Variants in NCOA3 observed in about 807,000 individuals in gnomAD.
The protein encoded by NCOA3 is CBP-interacting protein.
NCOA3 carries 51 observed loss-of-function variants against 158.8 expected under a neutral mutation model. The observed-to-expected ratio is 0.32, with a 90% CI of 0.26 to 0.41. NCOA3 has a LOEUF of 0.41. Among genes scored for constraint, NCOA3 ranks in the 10% least tolerant of loss-of-function variants. NCOA3 has a pLI of 1.00. For synonymous variants in NCOA3, 537 were observed against 592.4 expected, an observed-to-expected ratio of 0.91 and a Z score of 1.36; for missense variants, 1,510 against 1,746.6, an observed-to-expected ratio of 0.86 and a Z score of 2.41.
chr20:47,620,495 A>C (rs1337161266), intron 2 of NCOA3, among the ~76,000 whole-genome samples: 1 of 152,230 alleles, frequency 6.6e-6, no homozygotes, highest in African/African-American at 2.4e-5. Context: ...CAAGGTTGCA[A>C]GAAAATAGTA....
At chr20:47,536,432 C>A (rs2084633672) in intron 1 of NCOA3, among the ~76,000 whole-genome samples, 1 of 152,196 alleles carries the variant, frequency 6.6e-6, no homozygotes. Context: ...TGCAAAGCAT[C>A]CTAGGAGATA....
chr20:47,555,805 AT>A (rs1039337631), intron 1 of NCOA3, among the ~76,000 whole-genome samples: 19 of 144,180 alleles, frequency 1.3e-4, no homozygotes, highest in East Asian at 4.1e-4. Flanking sequence ...TGCCCGGCTG[AT>A]TTTTTTTTTG....
At chr20:47,524,964 T>G (rs994117688) in intron 1 of NCOA3, among the ~76,000 whole-genome samples, 3 of 151,804 alleles carry the variant, frequency 2.0e-5, no homozygotes, top group African/African-American at 7.3e-5. Flanking sequence ...TTGATCATTC[T>G]TGGGTGTTTC....
chr20:47,596,836 T>C (rs6018573), intron 2 of NCOA3, among the ~76,000 whole-genome samples: 20,617 of 152,186 alleles, frequency 0.14, 2,013 homozygotes, highest in African/African-American at 0.26. Flanking sequence ...GCGATCCACC[T>C]GCCTCGGCCT....
In NCOA3 at chr20:47,636,281, G is replaced by A. The variant is rs200259258; in HGVS notation, c.1895G>A (p.Arg632Gln). 4.2e-5 allele frequency: 68 copies of A among 1,613,968 alleles called. No individual in the cohort carries two copies. Among genetic ancestry groups the A allele is most frequent in the African/African-American group, 6.7e-5 (5 of 74,884 alleles). ...LQLLTCSSDD[R>Q]GHSSLTNSPL... ...TTACTTACCTGTTCTTCTGATGACC[G>A]GGGTCATTCCTCCTTGACCAACTCC... is the stretch of plus-strand genomic sequence containing the variant. Residue 632 changes from arginine to glutamine, a missense_variant, in exon 12 of 23, where the codon CGG becomes CAG. Physicochemically the swap from Arg to Gln is conservative, Grantham distance 43. Coordinates refer to ENST00000371998, the MANE Select transcript of NCOA3 (RefSeq NM_181659.3).
chr20:47,553,390 T>A (rs187128732), intron 1 of NCOA3, among the ~76,000 whole-genome samples: 4,425 of 150,146 alleles, frequency 0.029, 104 homozygotes, highest in Middle Eastern at 0.09. Context: ...CTCTTGAAAA[T>A]TTTTTTTTTA....
At chr20:47,512,502 A>C (rs2084161428) in intron 1 of NCOA3, among the ~76,000 whole-genome samples, 2 of 150,262 alleles carry the variant, frequency 1.3e-5, no homozygotes, top group Non-Finnish European at 3.0e-5. Flanking sequence ...CGGCAGGCGA[A>C]GGTTGCAGTG....
At chr20:47,537,449 G>T (rs371054741) in intron 1 of NCOA3, among the ~76,000 whole-genome samples, 1 of 141,954 alleles carries the variant, frequency 7.0e-6, no homozygotes, top group Non-Finnish European at 1.5e-5. Context: ...GTGGGGGGGG[G>T]AAGTGTTGGG....
chr20:47,636,612 G>A lies in NCOA3; in HGVS notation c.2226G>A (p.Leu742=). The part of the protein sequence containing the change: ...KENNALLRYL[L]DRDDPSDALS... ...ATAATGCACTTCTTAGATACCTGCT[G>A]GACAGGGATGATCCTAGTGATGCAC... The change falls in exon 12 of 23, where the codon CTG becomes CTA. Residue 742 remains leucine (L), a synonymous_variant. Coordinates refer to ENST00000371998, the MANE Select transcript of NCOA3 (RefSeq NM_181659.3). 1.2e-6 allele frequency: 2 copies of A among 1,614,162 alleles called. No individual in the cohort carries two copies. Among genetic ancestry groups the A allele is most frequent in the South Asian group, 2.2e-5 (2 of 91,082 alleles).
chr20:47,652,906 A>G, intron 21 of NCOA3, 25 bp from the exon 22 acceptor site: 2 of 1,612,562 alleles, frequency 1.2e-6, no homozygotes, highest in South Asian at 2.2e-5. Flanking sequence ...TTCCAGAGGT[A>G]ATATTACCAT....
At chr20:47,523,571 A>G (rs1419795661) in intron 1 of NCOA3, among the ~76,000 whole-genome samples, 4 of 152,186 alleles carry the variant, frequency 2.6e-5, no homozygotes, top group Non-Finnish European at 5.9e-5. Context: ...GAATTTATTA[A>G]AGAGGGGTTG....
chr20:47,637,822 T>A, intron 13 of NCOA3, 39 bp downstream of exon 13: 1 of 1,563,978 alleles, frequency 6.4e-7, no homozygotes, highest in Non-Finnish European at 8.6e-7. Flanking sequence ...TTGCTGCCTT[T>A]GAAACTTTTC....
intron 1 of NCOA3, among the ~76,000 whole-genome samples, chr20:47,557,456 G>A (rs1046287265): frequency 6.6e-5 from 10 of 152,264 alleles, no homozygotes; most frequent in Admixed American, 6.5e-4. Flanking sequence ...GCTTAAGGCC[G>A]CATAACTAGT....
chr20:47,517,445 C>CTT (rs1186569608), intron 1 of NCOA3, among the ~76,000 whole-genome samples: 1 of 142,194 alleles, frequency 7.0e-6, no homozygotes, highest in African/African-American at 2.8e-5. Flanking sequence ...TTTCTTTTTT[C>CTT]TTTTTCTTTT....
chr20:47,636,205 G>C lies in NCOA3; in HGVS notation c.1819G>C (p.Glu607Gln). 1 of 1,614,202 alleles carries C rather than the reference G, an allele frequency of 6.2e-7. No individual in the cohort carries two copies. The highest frequency in any genetic ancestry group is 1.1e-5 in the South Asian group (1 of 91,082). Residue 607 changes from glutamate (E) to glutamine (Q), a missense_variant, in exon 12 of 23, where the codon GAG (glutamate) becomes CAG (glutamine). Coordinates refer to ENST00000371998, the MANE Select transcript of NCOA3 (RefSeq NM_181659.3). Reference sequence around the variant, plus strand: ...TAAGGAGAGCAGTGTTGAGGGGGCAGAGAATCAAAGGGGTCCTTTGGAAAG... The same window carrying C: ...TAAGGAGAGCAGTGTTGAGGGGGCACAGAATCAAAGGGGTCCTTTGGAAAG... ...ESKESSVEGAENQRGPLESKG... is the reference protein window; with the variant it reads ...ESKESSVEGAQNQRGPLESKG...
intron 18 of NCOA3, among the ~76,000 whole-genome samples, chr20:47,647,756 T>C (rs642417): frequency 0.23 from 34,250 of 151,864 alleles, 4,608 homozygotes; most frequent in African/African-American, 0.37. Context: ...AAAACTAGAG[T>C]TGTCTTTTAA....
intron 2 of NCOA3, 104 bp from the exon 3 acceptor site, chr20:47,622,125 G>T (rs954735683): frequency 3.4e-6 from 2 of 594,480 alleles, no homozygotes. Context: ...TTTAGAGAAA[G>T]TAGTTCTGAA....
chr20:47,571,616 T>C lies in NCOA3; in HGVS notation c.-98-11567T>C, dbSNP rs543503823. Among the ~76,000 whole-genome samples the C allele has an allele frequency of 2.6e-5, 4 of 152,228 alleles. No homozygotes were observed. In the South Asian group the frequency reaches 8.3e-4, roughly 32 times the overall value. ...TTTGGTGAGCAGTAGGTCTCAACAG[T>C]GGACCTAAAATATTCAGTAAATCAT... On this transcript the variant is annotated intron_variant, in intron 1 of 22. Transcript: ENST00000371998.
intron 1 of NCOA3, among the ~76,000 whole-genome samples, chr20:47,522,643 C>G (rs991071903): frequency 4.0e-5 from 6 of 151,842 alleles, no homozygotes; most frequent in Non-Finnish European, 5.9e-5. Context: ...TCGCGTAGCC[C>G]GTGAAAAAGC....
Sources: gnomAD v4.1 joint callset for allele counts (sites outside exome capture counted in the v4.1 genomes callset) on GRCh38, gnomAD v4.1.1 for gene constraint, MANE v1.5 for transcripts, NCBI Gene and HGNC (gene_info 2026-07-23, HGNC 2026-07-21) for gene names.